Variants in SPATA13 observed in about 807,000 individuals in gnomAD.
SPATA13 encodes the protein spermatogenesis associated 13.
A neutral mutation model predicts 104.0 loss-of-function variants in SPATA13; 50 were observed. The ratio of observed to expected loss-of-function variants is 0.48; its 90% CI spans 0.38 to 0.61. The LOEUF (loss-of-function observed/expected upper bound fraction) is 0.61. Ranked by LOEUF, SPATA13 falls within the 20% of genes least tolerant of loss-of-function variation. The pLI, the probability that SPATA13 is intolerant of heterozygous loss-of-function variation, is 0.00. For synonymous variants in SPATA13, 606 were observed against 667.5 expected, an observed-to-expected ratio of 0.91 and a Z score of 1.42; for missense variants, 1,524 against 1,690.6, an observed-to-expected ratio of 0.90 and a Z score of 1.73.
chr13:24,212,131 G>A (rs1209219226), intron 1 of SPATA13, among the ~76,000 whole-genome samples: 1 of 152,018 alleles, frequency 6.6e-6, no homozygotes, highest in East Asian at 1.9e-4. Flanking sequence ...AGATGAAGGA[G>A]GCCAGGTGCG....
At chr13:24,301,233 T>C (rs1443737846) in intron 12 of SPATA13, among the ~76,000 whole-genome samples, 1 of 152,176 alleles carries the variant, frequency 6.6e-6, no homozygotes, top group Non-Finnish European at 1.5e-5. Flanking sequence ...ATTTACCCCA[T>C]GAAATGTATC....
chr13:24,281,240 T>C (rs557328760), intron 4 of SPATA13, among the ~76,000 whole-genome samples: 2 of 152,292 alleles, frequency 1.3e-5, no homozygotes, highest in East Asian at 3.9e-4. Flanking sequence ...AATTTACTCC[T>C]CCCCCTCCAA....
chr13:24,128,902 A>C (rs1881307239), intron 3 of SPATA13, among the ~76,000 whole-genome samples: 1 of 152,160 alleles, frequency 6.6e-6, no homozygotes, highest in Non-Finnish European at 1.5e-5. Flanking sequence ...AAACCTTTTT[A>C]TACTTTTTTT....
chr13:24,091,343 T>A (rs1311576834), intron 3 of SPATA13, among the ~76,000 whole-genome samples: 5 of 152,236 alleles, frequency 3.3e-5, no homozygotes, highest in Non-Finnish European at 7.3e-5. Context: ...TTCCCTAGTA[T>A]TTCCTTTTAA....
At chr13:24,055,512 C>T (rs867233693) in intron 3 of SPATA13, among the ~76,000 whole-genome samples, 4 of 152,242 alleles carry the variant, frequency 2.6e-5, no homozygotes, top group African/African-American at 7.2e-5. Context: ...GAACAGTGCC[C>T]GAAGCACCTT....
chr13:24,001,064 C>A (rs1875945013), intron 2 of SPATA13, among the ~76,000 whole-genome samples: 1 of 152,170 alleles, frequency 6.6e-6, no homozygotes, highest in Non-Finnish European at 1.5e-5. Flanking sequence ...CCCCTGTCCT[C>A]CTTGGCTACT....
At chr13:24,145,747 G>A (rs1194445452) in intron 3 of SPATA13, among the ~76,000 whole-genome samples, 2 of 152,184 alleles carry the variant, frequency 1.3e-5, no homozygotes, top group South Asian at 2.1e-4. Context: ...ATAGAGAACG[G>A]CTAATTTTCA....
In SPATA13 at chr13:24,054,972, A is replaced by G. The variant is rs575185237; in HGVS notation, c.-112+37271A>G. On this transcript the variant is annotated intron_variant, in intron 3 of 14. Transcript: ENST00000424834. ...CTTTCAGAAGCTGGTTATTATGACTATTATTTTACACTCATAATTCAATTT... is the reference window on the plus strand; with the variant it reads ...CTTTCAGAAGCTGGTTATTATGACTGTTATTTTACACTCATAATTCAATTT... Among the ~76,000 whole-genome samples the G allele has an allele frequency of 2.0e-5, 3 of 152,324 alleles. No homozygotes were observed. The South Asian group carries it at 6.2e-4, about 32-fold the overall frequency.
chr13:24,127,725 G>C (rs918854432), intron 3 of SPATA13, among the ~76,000 whole-genome samples: 4 of 152,324 alleles, frequency 2.6e-5, no homozygotes, highest in East Asian at 3.9e-4. Context: ...GCTGAACAGT[G>C]ATCAGGTTCT....
At chr13:24,174,126 T>C (rs1883113807) in intron 1 of SPATA13, among the ~76,000 whole-genome samples, 1 of 152,188 alleles carries the variant, frequency 6.6e-6, no homozygotes, top group African/African-American at 2.4e-5. Context: ...AATTACAGAT[T>C]CACTTTCCTT....
At chr13:24,090,105 T>C (rs951109137) in intron 3 of SPATA13, among the ~76,000 whole-genome samples, 1 of 152,014 alleles carries the variant, frequency 6.6e-6, no homozygotes, top group Non-Finnish European at 1.5e-5. Flanking sequence ...ACTATAGCAC[T>C]GGACTTCCTT....
chr13:24,140,577 T>C (rs1210014298), intron 3 of SPATA13, among the ~76,000 whole-genome samples: 1 of 152,202 alleles, frequency 6.6e-6, no homozygotes, highest in African/African-American at 2.4e-5. Flanking sequence ...AACGTTCCTC[T>C]TCAAAGCTCA....
At chr13:24,201,384 C>T (rs1478714099) in intron 1 of SPATA13, among the ~76,000 whole-genome samples, 1 of 152,052 alleles carries the variant, frequency 6.6e-6, no homozygotes, top group Non-Finnish European at 1.5e-5. Flanking sequence ...AGATATATTT[C>T]TTACAATTGA....
intron 4 of SPATA13, among the ~76,000 whole-genome samples, chr13:24,281,757 G>A (rs1875539746): frequency 6.6e-6 from 1 of 152,234 alleles, no homozygotes; most frequent in African/African-American, 2.4e-5. Flanking sequence ...CAGGCTTACA[G>A]GACTGGGGCT....
At chr13:24,282,358 C>T (rs957672971) in intron 4 of SPATA13, among the ~76,000 whole-genome samples, 1 of 152,212 alleles carries the variant, frequency 6.6e-6, no homozygotes, top group African/African-American at 2.4e-5. Flanking sequence ...CGTGGATTTG[C>T]CAAGTCCTTG....
intron 12 of SPATA13, 38 bp from the exon 13 acceptor site, chr13:24,302,560 C>A: frequency 1.4e-6 from 2 of 1,479,764 alleles, no homozygotes; most frequent in Non-Finnish European, 1.8e-6. Flanking sequence ...ACAAGCGACC[C>A]TCAGTCCCTG....
chr13:24,223,235 G>A lies in SPATA13; in HGVS notation c.306G>A (p.Trp102Ter), dbSNP rs1169571490. 7 of 1,551,682 alleles carry A rather than the reference G, an allele frequency of 4.5e-6. No homozygotes were observed. Among genetic ancestry groups the A allele is most frequent in the Non-Finnish European group, 6.1e-6 (7 of 1,147,004 alleles). Residue 102 changes from tryptophan to a stop codon, truncating the protein, a stop_gained, in exon 2 of 13, where the codon TGG becomes TGA. Coordinates refer to ENST00000382108, the MANE Select transcript of SPATA13 (RefSeq NM_001166271.3). LOFTEE classifies it high-confidence loss of function. The stretch of plus-strand genomic sequence containing the variant: ...TCCTGGTGGGGAACTCCTCCACATG[G>A]AACACCCTCGCCTCCTTCCGGAAAA... Reference protein sequence around the residue: ...SMVLVGNSSTWNTLASFRKMG... With the variant: ...SMVLVGNSST
At chr13:24,120,176 T>C (rs926229312) in intron 3 of SPATA13, among the ~76,000 whole-genome samples, 5 of 152,154 alleles carry the variant, frequency 3.3e-5, no homozygotes, top group African/African-American at 9.7e-5. Context: ...CCGGAAACTC[T>C]TGGGATTCTG....
At chr13:24,091,826 C>T (rs1879920298) in intron 3 of SPATA13, among the ~76,000 whole-genome samples, 1 of 152,098 alleles carries the variant, frequency 6.6e-6, no homozygotes, top group Non-Finnish European at 1.5e-5. Flanking sequence ...TTTTGGGGAA[C>T]AGCCAGGCAA....
Sources: gnomAD v4.1 joint callset for allele counts (sites outside exome capture counted in the v4.1 genomes callset) on GRCh38, gnomAD v4.1.1 for gene constraint, MANE v1.5 for transcripts, NCBI Gene and HGNC (gene_info 2026-07-23, HGNC 2026-07-21) for gene names.